Variants in MCUB observed in about 807,000 individuals in gnomAD.
MCUB encodes mitochondrial calcium uniporter dominant negative subunit beta.
A neutral mutation model predicts 41.4 loss-of-function variants in MCUB; 46 were observed. The ratio of observed to expected loss-of-function variants is 1.11; its 90% CI spans 0.88 to 1.42. MCUB has a LOEUF of 1.42. Among genes scored for constraint, MCUB ranks in the 40% most tolerant of loss-of-function variants. MCUB has a pLI of 0.00. For missense variants in MCUB, 403 were observed against 404.9 expected, an observed-to-expected ratio of 1.00 and a Z score of 0.04; for synonymous variants, 148 against 148.2, an observed-to-expected ratio of 1.00 and a Z score of 0.01.
intron 7 of MCUB, 141 bp from the exon 8 acceptor site, chr4:109,687,374 A>G (rs1048232564): frequency 3.4e-6 from 2 of 585,412 alleles, no homozygotes; most frequent in African/African-American, 3.8e-5. Flanking sequence ...AAATATATAT[A>G]TATTTCAGCC....
intron 1 of MCUB, among the ~76,000 whole-genome samples, chr4:109,583,222 G>T (rs1727225457): frequency 6.6e-6 from 1 of 151,888 alleles, no homozygotes; most frequent in African/African-American, 2.4e-5. Context: ...ATTTGTTTGT[G>T]TCCTCTTTTA....
rs141039989 is a variant in MCUB at position 109,685,727 on chromosome 4, A to C, written c.933+360A>C. Among the ~76,000 whole-genome samples, 175 of 152,364 alleles carry C rather than the reference A, an allele frequency of 1.1e-3. 1 individual carries two copies. Among genetic ancestry groups the C allele is most frequent in the Non-Finnish European group, 1.5e-3 (99 of 68,032 alleles). ...ATTTATAAGTTTCTTGTCCCTAAAG[A>C]TAGAAGAATCATTATAGTATTCCTC... On this transcript the variant is annotated intron_variant, in intron 7 of 7. Transcript: ENST00000394650.
chr4:109,635,449 C>T (rs1728569053), intron 1 of MCUB, among the ~76,000 whole-genome samples: 1 of 152,208 alleles, frequency 6.6e-6, no homozygotes, highest in Non-Finnish European at 1.5e-5. Context: ...GCCGCCCCCA[C>T]ATATCCACGT....
At chr4:109,579,353 G>C (rs200889324) in intron 1 of MCUB, among the ~76,000 whole-genome samples, 2 of 151,974 alleles carry the variant, frequency 1.3e-5, no homozygotes, top group African/African-American at 4.8e-5. Flanking sequence ...GGGTTCAAGC[G>C]ATTCTCCTGC....
intron 1 of MCUB, among the ~76,000 whole-genome samples, chr4:109,617,464 C>T (rs1055114294): frequency 6.6e-5 from 10 of 152,248 alleles, no homozygotes; most frequent in Non-Finnish European, 1.2e-4. Context: ...CATTGAAGTC[C>T]AAATTTCATG....
At chr4:109,642,611 C>T (rs117241082) in intron 1 of MCUB, among the ~76,000 whole-genome samples, 1,251 of 124,862 alleles carry the variant, frequency 0.01, 35 homozygotes, top group South Asian at 0.083. Context: ...TTCTTCACCC[C>T]AGGTTAAAAA....
Position 109,624,322 on chromosome 4 carries a change from C to A in MCUB, c.100-34689C>A, listed in dbSNP as rs190342472. On this transcript the variant is annotated intron_variant, in intron 1 of 7. Coordinates refer to ENST00000394650, the MANE Select transcript of MCUB (RefSeq NM_017918.5). The stretch of plus-strand genomic sequence containing the variant: ...AGCACACTATGCCAGGCATTTGCTC[C>A]GGCTGTTGAAGTGAATGAATCTGGC... Among the ~76,000 whole-genome samples, 253 of 152,304 alleles carry A rather than the reference C, an allele frequency of 1.7e-3. 2 individuals carry two copies. Among genetic ancestry groups the A allele is most frequent in the Middle Eastern group, 3.4e-3 (1 of 294 alleles).
Position 109,664,387 on chromosome 4 carries a change from A to C in MCUB, c.444A>C (p.Pro148=), listed in dbSNP as rs1296480119. Residue 148 remains proline, a synonymous_variant, in exon 4 of 8, where the codon CCA becomes CCC. Coordinates refer to ENST00000394650, the MANE Select transcript of MCUB (RefSeq NM_017918.5). ...AAATAGCATATGATGTGCAGTGTCC[A>C]AAGAGAGGTAAGAAACACAGCTATC... is the stretch of plus-strand genomic sequence containing the variant. ...INKIAYDVQC[P]KREKPSNEHT... is the part of the protein sequence containing the mutation. 1 of 1,366,192 alleles carries C rather than the reference A, an allele frequency of 7.3e-7. No individual in the cohort carries two copies. 84.6% of individuals were successfully genotyped at this position (1,366,192 alleles called of 1,614,324 possible). A position where few individuals can be genotyped will look rare whatever the true frequency, so the allele number is the denominator to read the frequency against.
intron 1 of MCUB, among the ~76,000 whole-genome samples, chr4:109,571,727 T>C (rs77975057): frequency 0.074 from 11,314 of 152,332 alleles, 1,346 homozygotes; most frequent in African/African-American, 0.25. Flanking sequence ...CCTGTTCCTT[T>C]GTCATCTCTA....
intron 3 of MCUB, among the ~76,000 whole-genome samples, chr4:109,661,035 ATAAT>A (rs540907832): frequency 3.9e-4 from 59 of 152,360 alleles, no homozygotes; most frequent in African/African-American, 1.3e-3. Context: ...AAGCCAGTGA[ATAAT>A]TAAAGTACAC....
At chr4:109,599,301 C>T (rs535083660) in intron 1 of MCUB, among the ~76,000 whole-genome samples, 1 of 148,070 alleles carries the variant, frequency 6.8e-6, no homozygotes, top group South Asian at 2.3e-4. Flanking sequence ...TTTGTTTGAT[C>T]CTCCTCTTCA....
At chr4:109,629,504 C>G (rs1193894401) in intron 1 of MCUB, among the ~76,000 whole-genome samples, 4 of 152,180 alleles carry the variant, frequency 2.6e-5, no homozygotes, top group African/African-American at 9.7e-5. Flanking sequence ...GATTCTGACA[C>G]TGTATACCTG....
At chr4:109,578,732 C>T (rs1344422404) in intron 1 of MCUB, among the ~76,000 whole-genome samples, 2 of 152,086 alleles carry the variant, frequency 1.3e-5, no homozygotes, top group African/African-American at 4.8e-5. Flanking sequence ...GTCTCGAACT[C>T]CTGGCGCAAG....
At chr4:109,560,490 C>A in intron 1 of MCUB, 54 bp downstream of exon 1, 1 of 853,588 alleles carries the variant, frequency 1.2e-6, no homozygotes. Flanking sequence ...GCAAAGTTTG[C>A]GTTGGACAAC....
At chr4:109,634,763 TAGAA>T (rs946732538) in intron 1 of MCUB, among the ~76,000 whole-genome samples, 6 of 152,312 alleles carry the variant, frequency 3.9e-5, no homozygotes, top group Admixed American at 2.6e-4. Context: ...TTTAGGCAGA[TAGAA>T]AGGAAAAGGG....
intron 4 of MCUB, among the ~76,000 whole-genome samples, chr4:109,677,190 A>G (rs976206885): frequency 1.3e-5 from 2 of 152,198 alleles, no homozygotes; most frequent in South Asian, 4.1e-4. Flanking sequence ...CTTACGTGGG[A>G]CCAGTTACCT....
chr4:109,599,938 G>A (rs1358533847), intron 1 of MCUB, among the ~76,000 whole-genome samples: 1 of 152,180 alleles, frequency 6.6e-6, no homozygotes, highest in Non-Finnish European at 1.5e-5. Context: ...TCAAAGTGCT[G>A]GGATTACAGG....
At chr4:109,631,177 T>A (rs935836211) in intron 1 of MCUB, among the ~76,000 whole-genome samples, 2 of 152,228 alleles carry the variant, frequency 1.3e-5, no homozygotes, top group African/African-American at 4.8e-5. Flanking sequence ...TAATTTCCGC[T>A]CAATTAGAAA....
intron 4 of MCUB, among the ~76,000 whole-genome samples, chr4:109,682,182 C>T (rs1470529556): frequency 2.0e-5 from 3 of 152,216 alleles, no homozygotes; most frequent in Non-Finnish European, 2.9e-5. Context: ...CCAGCTAGTT[C>T]TGTCTCTCAC....
Sources: allele counts gnomAD v4.1 joint callset (sites outside exome capture counted in the v4.1 genomes callset), GRCh38; gene constraint gnomAD v4.1.1; transcripts MANE v1.5; gene names NCBI Gene and HGNC (gene_info 2026-07-23, HGNC 2026-07-21).